DDX51: variants seen among roughly 807,000 people sequenced by gnomAD.
DDX51 encodes the protein ATP-dependent RNA helicase DDX51.
A neutral mutation model predicts 74.6 loss-of-function variants in DDX51; 67 were observed. That is an observed-to-expected ratio of 0.90 (90% CI 0.74 to 1.10). The LOEUF is 1.10. Among genes scored for constraint, DDX51 ranks in the 50% least tolerant of loss-of-function variants. The probability of loss-of-function intolerance (pLI) is 0.00; values close to 1 mark genes in which losing one functional copy is unlikely to be tolerated. For missense variants in DDX51, 1,056 were observed against 905.2 expected, an observed-to-expected ratio of 1.17 and a Z score of -2.14; for synonymous variants, 545 against 402.9, an observed-to-expected ratio of 1.35 and a Z score of -4.22.
At chr12:132,140,330 T>C (rs1897398041) in intron 11 of DDX51, 93 bp downstream of exon 11, 1 of 1,570,052 alleles carries the variant, frequency 6.4e-7, no homozygotes, top group Non-Finnish European at 8.7e-7. Flanking sequence ...GGAAGCCAAT[T>C]TGCAGAAGGA....
chr12:132,141,384 G>A lies in DDX51; in HGVS notation c.1141C>T (p.His381Tyr). Residue 381 changes from histidine (H) to tyrosine (Y), a missense_variant, in exon 8 of 15, where the codon CAT (histidine) becomes TAT (tyrosine). Coordinates refer to ENST00000397333, the MANE Select transcript of DDX51 (RefSeq NM_175066.4). ...ACCACCCGCGGCAGCCAGGACTGAT[G>A]CATGCTGTCAATCATCCGGTCAGCC... ...DEADRMIDSMHQSWLPRVVAA... is the reference protein window; with the variant it reads ...DEADRMIDSMYQSWLPRVVAA... The A allele has an allele frequency of 3.1e-6, 5 of 1,597,806 alleles. No homozygotes were observed. In the South Asian group the frequency reaches 4.4e-5, roughly 14 times the overall value.
intron 3 of DDX51, 118 bp from the exon 4 acceptor site, chr12:132,142,540 G>C: frequency 6.7e-7 from 1 of 1,491,658 alleles, no homozygotes; most frequent in Admixed American, 2.2e-5. Flanking sequence ...CCGCTCCCCA[G>C]AGGGATGGCA....
Position 132,140,640 on chromosome 12 carries a change from G to A in DDX51, c.1536C>T (p.Asn512=). Reference sequence around the variant, plus strand: ...CTCACCTGTGGGAGTTCTCTCGGGAGTTAGTGAAGCAGAGAACCCTCGAGA... The same window carrying A: ...CTCACCTGTGGGAGTTCTCTCGGGAATTAGTGAAGCAGAGAACCCTCGAGA... ...MGFSRVLCFT[N]SRENSHRLFL... Residue 512 remains asparagine, a synonymous_variant, in exon 10 of 15, where the codon AAC becomes AAT. Transcript: ENST00000397333. 6.2e-7 allele frequency: 1 copy of A among 1,612,972 alleles called. No homozygotes were observed. The highest frequency in any genetic ancestry group is 8.5e-7 in the Non-Finnish European group (1 of 1,180,026).
Position 132,137,866 on chromosome 12 carries a change from CTG to C in DDX51, c.*1404_*1405del, listed in dbSNP as rs1020367179. ...CCAAAACAAACCCACACACTGGCCACTGTGTCCCCAGCCCCAACCCCCACCAA... is the reference window on the plus strand; with the variant it reads ...CCAAAACAAACCCACACACTGGCCACTGTCCCCAGCCCCAACCCCCACCAA... On this transcript the variant is annotated 3_prime_UTR_variant, in exon 15 of 15. Transcript: ENST00000397333. 9 of 151,336 alleles carry C rather than the reference CTG, an allele frequency of 5.9e-5. No homozygotes were observed. Among genetic ancestry groups the C allele is most frequent in the African/African-American group, 1.7e-4 (7 of 40,660 alleles). The allele number at this position is 151,336 out of a possible 1,614,324, so 9.4% of individuals were successfully genotyped here. A position where few individuals can be genotyped will look rare whatever the true frequency, so the allele number is the denominator to read the frequency against.
Position 132,144,283 on chromosome 12 carries a change from T to C in DDX51, c.14A>G (p.Tyr5Cys), listed in dbSNP as rs1897612678. The C allele has an allele frequency of 3.8e-6, 5 of 1,309,332 alleles. No homozygotes were observed. The highest frequency in any genetic ancestry group is 4.8e-6 in the Non-Finnish European group (5 of 1,031,626). The allele number at this position is 1,309,332 out of a possible 1,614,324, so 81.1% of individuals were successfully genotyped here. Residue 5 changes from tyrosine (Y) to cysteine (C), a missense_variant, in exon 1 of 15, where the codon TAC becomes TGC. Physicochemically the swap from Tyr to Cys is radical, Grantham distance 194. Transcript: ENST00000397333. Reference sequence around the variant, plus strand: ...ATCGGGGCCCGGGTACCGCGCGACGTAGAACAGCGCCATGGCCAGCCGCAC... The same window carrying C: ...ATCGGGGCCCGGGTACCGCGCGACGCAGAACAGCGCCATGGCCAGCCGCAC... The part of the protein sequence containing the change: MALF[Y>C]VARYPGPDAA...
chr12:132,140,124 G>A lies in DDX51; in HGVS notation c.1749C>T (p.Pro583=), dbSNP rs12312005. 9,481 of 1,612,682 alleles carry A rather than the reference G, an allele frequency of 5.9e-3. 79 individuals carry two copies. Among genetic ancestry groups the A allele is most frequent in the South Asian group, 0.016 (1,496 of 91,070 alleles). ...GVELVVNYDA[P]QYLRTYVHRV... ...GGTGCACGTAGGTTCTCAGGTACTG[G>A]GGGGCGTCGTAGTTCACCACCAGCT... Residue 583 remains proline, a synonymous_variant, in exon 12 of 15, where the codon CCC becomes CCT. Transcript: ENST00000397333.
intron 2 of DDX51, chr12:132,143,364 A>C (rs934170090): frequency 6.1e-6 from 3 of 490,884 alleles, no homozygotes; most frequent in African/African-American, 6.0e-5. Context: ...GCTAAGCAAA[A>C]ACACCAACGG....
chr12:132,143,266 GC>G, intron 2 of DDX51: 2 of 404,044 alleles, frequency 4.9e-6, no homozygotes, highest in Non-Finnish European at 4.5e-6. Flanking sequence ...TCCTCCACCT[GC>G]CCTACCTAAG....
rs75236767 is a variant in DDX51, at chr12:132,139,765, C to T, written c.1844G>A (p.Arg615Lys). ...AFTLLLKVQE[R>K]RFLRMLTEAG... ...TTCAGTTAGCATTCGGAGGAATCTCCTCTCCTGGAGAGAAGCTCATGGTGG... is the reference window on the plus strand; with the variant it reads ...TTCAGTTAGCATTCGGAGGAATCTCTTCTCCTGGAGAGAAGCTCATGGTGG... The change falls in exon 14 of 15, where the codon AGG becomes AAG. Residue 615 changes from arginine (R) to lysine (K), a missense_variant. Coordinates refer to ENST00000397333, the MANE Select transcript of DDX51 (RefSeq NM_175066.4). 31,058 of 1,613,202 alleles carry T rather than the reference C, an allele frequency of 0.019. 364 individuals are homozygous for T. Among genetic ancestry groups the T allele is most frequent in the Middle Eastern group, 0.03 (181 of 6,062 alleles).
intron 6 of DDX51, 67 bp from the exon 7 acceptor site, chr12:132,141,673 C>T (rs763896404): frequency 7.1e-5 from 108 of 1,513,184 alleles, no homozygotes; most frequent in Non-Finnish European, 9.6e-5. Context: ...CAAGACGCTG[C>T]CTCACCCCAC....
At chr12:132,142,964 G>A (rs1897532988) in intron 2 of DDX51, 86 bp from the exon 3 acceptor site, 3 of 1,581,596 alleles carry the variant, frequency 1.9e-6, no homozygotes, top group African/African-American at 1.3e-5. Context: ...AGGGGAGGGA[G>A]GCTGGGGAAA....
At position 132,141,528 on chromosome 12, in the gene DDX51, T is replaced by A. The variant is rs1442358837; in HGVS notation, c.1074A>T (p.Pro358=). 4 of 1,602,306 alleles carry A rather than the reference T, an allele frequency of 2.5e-6. No individual in the cohort carries two copies. The highest frequency in any genetic ancestry group is 3.4e-6 in the Non-Finnish European group (4 of 1,177,224). Reference sequence around the variant, plus strand: ...AGCGGAGCTGCTGGAGGCTGAATCCTGGGGTCTGGTCGATGTGGTCCACCA... The same window carrying A: ...AGCGGAGCTGCTGGAGGCTGAATCCAGGGGTCTGGTCGATGTGGTCCACCA... ...GRLVDHIDQT[P]GFSLQQLRFL... Residue 358 remains proline (P), a synonymous_variant, in exon 7 of 15, where the codon CCA becomes CCT. Transcript: ENST00000397333.
rs1897276093 is a variant in DDX51, at chr12:132,137,036, G to A, written c.*2236C>T. The stretch of plus-strand genomic sequence containing the variant: ...ATGTCTTGTCCTCCCAGGGCCCAGG[G>A]TTTTAGCTGGGACAAGGTGTGCTAT... On this transcript the variant is annotated 3_prime_UTR_variant, in exon 15 of 15. Transcript: ENST00000397333. 1 of 152,216 alleles carries A rather than the reference G, an allele frequency of 6.6e-6. No homozygotes were observed. Among genetic ancestry groups the A allele is most frequent in the Non-Finnish European group, 1.5e-5 (1 of 68,086 alleles). The allele number at this position is 152,216 out of a possible 1,614,324, so 9.4% of individuals were successfully genotyped here.
Position 132,139,141 on chromosome 12 carries a change from G to C in DDX51, c.*131C>G. The C allele has an allele frequency of 7.2e-7, 1 of 1,393,472 alleles. No individual in the cohort carries two copies. The highest frequency in any genetic ancestry group is 9.7e-7 in the Non-Finnish European group (1 of 1,028,130). 86.3% of individuals were successfully genotyped at this position (1,393,472 alleles called of 1,614,324 possible). ...CCGGGCTGCCTGGCGCAGAGACCAC[G>C]TGCTTGGGGAGGAAGGCTGTGTCCA... On this transcript the variant is annotated 3_prime_UTR_variant, in exon 15 of 15. Coordinates refer to ENST00000397333, the MANE Select transcript of DDX51 (RefSeq NM_175066.4).
In DDX51 at chr12:132,137,390, G is replaced by A. The variant is rs1019159653; in HGVS notation, c.*1882C>T. ...GATTTTGAACCCCGAGGTTAGAAAG[G>A]GAGCTATTTTTGAGCTGCTTTTTGT... On this transcript the variant is annotated 3_prime_UTR_variant, in exon 15 of 15. Coordinates refer to ENST00000397333, the MANE Select transcript of DDX51 (RefSeq NM_175066.4). 6.6e-6 allele frequency: 1 copy of A among 152,192 alleles called. No individual in the cohort carries two copies. The highest frequency in any genetic ancestry group is 2.4e-5 in the African/African-American group (1 of 41,428). The allele number at this position is 152,192 out of a possible 1,614,324, so 9.4% of individuals were successfully genotyped here. A position where few individuals can be genotyped will look rare whatever the true frequency, so the allele number is the denominator to read the frequency against.
chr12:132,144,108 C>T lies in DDX51; in HGVS notation c.189G>A (p.Ala63=). The change falls in exon 1 of 15, where the codon GCG becomes GCA. Residue 63 remains alanine (A), a synonymous_variant. Transcript: ENST00000397333. ...QTEAAASTEP[A]TRRRRRPRRR... ...GCCGGGGCCGCCGTCGCCTCCTGGT[C>T]GCCGGCTCGGTCGATGCAGCCGCCT... 1.6e-6 allele frequency: 2 copies of T among 1,221,236 alleles called. No individual in the cohort carries two copies. The highest frequency in any genetic ancestry group is 4.4e-5 in the Admixed American group (1 of 22,528). The allele number at this position is 1,221,236 out of a possible 1,614,324, so 75.6% of individuals were successfully genotyped here. A position where few individuals can be genotyped will look rare whatever the true frequency, so the allele number is the denominator to read the frequency against.
chr12:132,139,902 C>T lies in DDX51; in HGVS notation c.1798G>A (p.Gly600Arg). Residue 600 changes from glycine (G) to arginine (R), a missense_variant, in exon 13 of 15, where the codon GGG becomes AGG. By Grantham distance (125) the Gly-to-Arg change is moderately radical. Transcript: ENST00000397333. ...AGTGTGAAGGCCTGTCCAGTTTTCC[C>T]AGCGCGAGCTGTCCTCCCAACCCTG... ...VHRVGRTARAGKTGQAFTLLL... is the reference protein window; with the variant it reads ...VHRVGRTARARKTGQAFTLLL... The T allele has an allele frequency of 1.2e-6, 2 of 1,613,130 alleles. No individual in the cohort carries two copies. Among genetic ancestry groups the T allele is most frequent in the Non-Finnish European group, 1.7e-6 (2 of 1,179,994 alleles).
At position 132,142,306 on chromosome 12, in the gene DDX51, T is replaced by C. The variant is rs1897496701; in HGVS notation, c.787A>G (p.Thr263Ala). 3.7e-6 allele frequency: 6 copies of C among 1,613,124 alleles called. No individual in the cohort carries two copies. Among genetic ancestry groups the C allele is most frequent in the Non-Finnish European group, 5.1e-6 (6 of 1,179,994 alleles). ...ACCACAGGGATGACGAAGGCCAGTG[T>C]CTTCCCACTGCCTGTTGGGGCAGAA... ...CVSAPTGSGK[T>A]LAFVIPVVQA... Residue 263 changes from threonine to alanine, a missense_variant, in exon 4 of 15, where the codon ACA becomes GCA. Physicochemically the swap from Thr to Ala is moderately conservative, Grantham distance 58. Coordinates refer to ENST00000397333, the MANE Select transcript of DDX51 (RefSeq NM_175066.4).
intron 12 of DDX51, 76 bp from the exon 13 acceptor site, chr12:132,140,000 C>T (rs1342300050): frequency 3.1e-6 from 5 of 1,607,894 alleles, no homozygotes; most frequent in Non-Finnish European, 3.4e-6. Context: ...CTTCTCTCCA[C>T]ACCAACCCCA....
Sources: gnomAD v4.1 joint callset for allele counts on GRCh38, gnomAD v4.1.1 for gene constraint, MANE v1.5 for transcripts, NCBI Gene and HGNC (gene_info 2026-07-23, HGNC 2026-07-21) for gene names.